The following CEP152 variants were observed in gnomAD, a reference collection of about 807,000 sequenced individuals.
CEP152 encodes the protein centrosomal protein 152, also known as centrosomal protein of 152 kDa.
A neutral mutation model predicts 188.9 loss-of-function variants in CEP152; 132 were observed. The ratio of observed to expected loss-of-function variants is 0.70; its 90% CI spans 0.61 to 0.81. CEP152 has a LOEUF of 0.81. CEP152 is among the 30% of genes least tolerant of loss of function. The probability of loss-of-function intolerance (pLI) is 0.00; values close to 1 mark genes in which losing one functional copy is unlikely to be tolerated. For synonymous variants in CEP152, 649 were observed against 666.6 expected, an observed-to-expected ratio of 0.97 and a Z score of 0.41; for missense variants, 1,914 against 1,969.8, an observed-to-expected ratio of 0.97 and a Z score of 0.54.
chr15:48,796,179 C>A lies in CEP152; in HGVS notation c.541-19G>T, dbSNP rs1462568025. 6.2e-7 allele frequency: 1 copy of A among 1,612,728 alleles called. No homozygotes were observed. Among genetic ancestry groups the A allele is most frequent in the Non-Finnish European group, 8.5e-7 (1 of 1,179,322 alleles). ...TGGGACCCTGTGATAACAAATGAAA[C>A]TGACAATTAAGATTTGGCCTTTTCT... is the stretch of plus-strand genomic sequence containing the variant. On this transcript the variant is annotated intron_variant, in intron 5 of 26. Transcript: ENST00000380950.
In CEP152 at chr15:48,752,376, C is replaced by A; in HGVS notation, c.3439G>T (p.Ala1147Ser). ...PAAGHHAQPL[A>S]LQATEAEADK... The stretch of plus-strand genomic sequence containing the variant: ...GCTTCTGCTTCTGTTGCTTGTAAGG[C>A]CAAGGGCTGAGCATGGTGTCCAGCA... Residue 1147 changes from alanine (A) to serine (S), a missense_variant, in exon 21 of 27, where the codon GCC becomes TCC. Coordinates refer to ENST00000380950, the MANE Select transcript of CEP152 (RefSeq NM_001194998.2). 6.2e-7 allele frequency: 1 copy of A among 1,614,026 alleles called. No individual in the cohort carries two copies. The highest frequency in any genetic ancestry group is 8.5e-7 in the Non-Finnish European group (1 of 1,180,018).
chr15:48,751,063 C>G (rs74814825), intron 21 of CEP152, among the ~76,000 whole-genome samples: 1 of 152,024 alleles, frequency 6.6e-6, no homozygotes, highest in Non-Finnish European at 1.5e-5. Context: ...GATATTAGGA[C>G]AACATAACCA....
At chr15:48,730,660 T>A (rs1295939897) in intron 2 of CEP152, among the ~76,000 whole-genome samples, 2 of 151,934 alleles carry the variant, frequency 1.3e-5, no homozygotes, top group African/African-American at 4.8e-5. Flanking sequence ...TGACTCAAGG[T>A]TTTTCAATAC....
In CEP152 at chr15:48,784,040, C is replaced by T; in HGVS notation, c.1254G>A (p.Glu418=). 1.2e-6 allele frequency: 2 copies of T among 1,613,816 alleles called. No homozygotes were observed. Among genetic ancestry groups the T allele is most frequent in the Non-Finnish European group, 1.7e-6 (2 of 1,179,902 alleles). Residue 418 remains glutamate, a synonymous_variant, in exon 10 of 27, where the codon GAG becomes GAA. Transcript: ENST00000380950. ...GACTTCTTGTCAACTTATTAATGAT[C>T]TCAGTCTTTTCTAACTTGATTGCTT... is the stretch of plus-strand genomic sequence containing the variant. ...NQEAIKLEKT[E]IINKLTRSLE... is the part of the protein sequence containing the mutation.
At chr15:48,780,297 T>A (rs911126906) in intron 12 of CEP152, among the ~76,000 whole-genome samples, 3 of 152,216 alleles carry the variant, frequency 2.0e-5, no homozygotes, top group Non-Finnish European at 4.4e-5. Flanking sequence ...TAAACTAGAA[T>A]AATACCATCT....
chr15:48,801,395 T>C (rs941864123), intron 2 of CEP152, among the ~76,000 whole-genome samples: 14 of 152,226 alleles, frequency 9.2e-5, no homozygotes, highest in Non-Finnish European at 7.3e-5. Context: ...TATTATTCTA[T>C]TAGAGAAGTA....
chr15:48,810,478 T>C (rs1347195012), intron 1 of CEP152: 2 of 152,262 alleles, frequency 1.3e-5, no homozygotes, highest in Non-Finnish European at 2.9e-5. Context: ...GAGCGAGTAA[T>C]GCTAATACAC....
rs193091165 is a variant in CEP152 at position 48,760,324 on chromosome 15, C to A, written c.2563-58G>T. 96 of 1,585,484 alleles carry A rather than the reference C, an allele frequency of 6.1e-5. No individual in the cohort carries two copies. The East Asian group carries it at 1.8e-3, about 30-fold the overall frequency. ...GAAGTATAAAACTTAAAAAAGATCC[C>A]ATTTTTAAACAGCAATTATGATTTC... On this transcript the variant is annotated intron_variant, in intron 18 of 26. Coordinates refer to ENST00000380950, the MANE Select transcript of CEP152 (RefSeq NM_001194998.2).
At chr15:48,729,435 G>C (rs1892349441) in intron 2 of CEP152, 1 of 152,140 alleles carries the variant, frequency 6.6e-6, no homozygotes, top group Non-Finnish European at 1.5e-5. Context: ...TATTCAAGAG[G>C]CTGAGCGGGG....
chr15:48,756,010 T>C lies in CEP152; in HGVS notation c.3238A>G (p.Lys1080Glu), dbSNP rs745881226. 2.5e-6 allele frequency: 4 copies of C among 1,614,116 alleles called. No individual in the cohort carries two copies. Among genetic ancestry groups the C allele is most frequent in the Admixed American group, 3.3e-5 (2 of 60,024 alleles). ...LLEIMSTCSS[K>E]WMSVQYFEKL... Reference sequence around the variant, plus strand: ...TCAAAATATTGCACAGACATCCATTTTGAAGAACAAGTCGACATGATTTCC... The same window carrying C: ...TCAAAATATTGCACAGACATCCATTCTGAAGAACAAGTCGACATGATTTCC... The change falls in exon 20 of 27, where the codon AAA (lysine) becomes GAA (glutamate). Residue 1080 changes from lysine to glutamate, a missense_variant. Lys to Glu is a moderately conservative substitution (Grantham distance 56). Transcript: ENST00000380950.
intron 18 of CEP152, 42 bp downstream of exon 18, chr15:48,762,349 A>G: frequency 6.5e-7 from 1 of 1,545,876 alleles, no homozygotes; most frequent in Non-Finnish European, 8.9e-7. Flanking sequence ...ATTAAGAGAC[A>G]GGCAGTTCCA....
rs1180134903 is a variant in CEP152, at chr15:48,797,303, G to A, written c.538C>T (p.Gln180Ter). The change falls in exon 5 of 27, where the codon CAG becomes TAG. Residue 180 changes from glutamine to a stop codon, truncating the protein, a stop_gained and splice_region_variant. Coordinates refer to ENST00000380950, the MANE Select transcript of CEP152 (RefSeq NM_001194998.2). LOFTEE classifies it high-confidence loss of function. ...TGAAAGTCAAGTTTTTACAATACCT[G>A]AAAATGGTTCCATTGAGGATCTGAA... is the stretch of plus-strand genomic sequence containing the variant. ...KFSDPQWNHF[Q>*]GPSCQGLEPY... 1 of 1,613,992 alleles carries A rather than the reference G, an allele frequency of 6.2e-7. No individual in the cohort carries two copies. Among genetic ancestry groups the A allele is most frequent in the Admixed American group, 1.7e-5 (1 of 60,018 alleles).
intron 1 of CEP152, chr15:48,810,264 T>C (rs1270814880): frequency 2.0e-5 from 3 of 152,226 alleles, no homozygotes; most frequent in African/African-American, 4.8e-5. Flanking sequence ...CCAGAGCACA[T>C]AGCCCGGTTT....
In CEP152 at chr15:48,762,615, T is replaced by C. The variant is rs1299873469; in HGVS notation, c.2338A>G (p.Thr780Ala). The C allele has an allele frequency of 1.2e-6, 2 of 1,614,034 alleles. No homozygotes were observed. The highest frequency in any genetic ancestry group is 2.2e-5 in the South Asian group (2 of 91,084). Reference sequence around the variant, plus strand: ...GTCTTCTTTTTCATTGCCTTTATAGTTTGATCCAGCTTAGACTGCCACTCC... The same window carrying C: ...GTCTTCTTTTTCATTGCCTTTATAGCTTGATCCAGCTTAGACTGCCACTCC... ...EKEWQSKLDQ[T>A]IKAMKKKTLD... The change falls in exon 18 of 27, where the codon ACT becomes GCT. Residue 780 changes from threonine to alanine, a missense_variant. Coordinates refer to ENST00000380950, the MANE Select transcript of CEP152 (RefSeq NM_001194998.2).
chr15:48,777,870 CAGAG>C (rs1160933862), intron 12 of CEP152, among the ~76,000 whole-genome samples: 2 of 152,060 alleles, frequency 1.3e-5, no homozygotes, highest in Non-Finnish European at 2.9e-5. Context: ...GGAGCCAAGT[CAGAG>C]AGAGAAAGTG....
chr15:48,767,568 T>C lies in CEP152; in HGVS notation c.2019-105A>G. 4 of 1,475,676 alleles carry C rather than the reference T, an allele frequency of 2.7e-6. No homozygotes were observed. In the South Asian group the frequency reaches 4.6e-5, roughly 17 times the overall value. 91.4% of individuals were successfully genotyped at this position (1,475,676 alleles called of 1,614,324 possible). ...CACCTCTTCCCTCTAATGCAAATTA[T>C]AATTGAGGTCAGATAACTTTTCCCC... On this transcript the variant is annotated intron_variant, in intron 15 of 26. Coordinates refer to ENST00000380950, the MANE Select transcript of CEP152 (RefSeq NM_001194998.2).
At chr15:48,739,621 A>G (rs532507881) in intron 26 of CEP152, among the ~76,000 whole-genome samples, 19 of 152,198 alleles carry the variant, frequency 1.2e-4, no homozygotes, top group Non-Finnish European at 2.5e-4. Context: ...AATGTTTTCA[A>G]TCCTGCCCTG....
rs1394226021 is a variant in CEP152, at chr15:48,738,443, A to G, written c.4939T>C (p.Leu1647=). 1 of 1,614,214 alleles carries G rather than the reference A, an allele frequency of 6.2e-7. No homozygotes were observed. Among genetic ancestry groups the G allele is most frequent in the East Asian group, 2.2e-5 (1 of 44,884 alleles). The change falls in exon 27 of 27, where the codon TTG becomes CTG. Residue 1647 remains leucine (L), a synonymous_variant. Transcript: ENST00000380950. ...TTCACACTGATCTTTCCTGGCTCCA[A>G]ATACGTGGTTTCTTCTGACAGGTAT... ...TPYLSEETTY[L]EPGKISVNCG... is the part of the protein sequence containing the mutation.
intron 13 of CEP152, among the ~76,000 whole-genome samples, chr15:48,772,223 C>A (rs1026414171): frequency 2.6e-5 from 4 of 152,098 alleles, no homozygotes; most frequent in Non-Finnish European, 5.9e-5. Flanking sequence ...CCAGCCTGGG[C>A]AACATTGTGG....
Sources: allele counts gnomAD v4.1 joint callset (sites outside exome capture counted in the v4.1 genomes callset), GRCh38; gene constraint gnomAD v4.1.1; transcripts MANE v1.5; gene names NCBI Gene and HGNC (gene_info 2026-07-23, HGNC 2026-07-21).